GRIA1: variants seen among roughly 807,000 people sequenced by gnomAD.
GRIA1 encodes the protein glutamate ionotropic receptor AMPA type subunit 1.
In GRIA1, 31 loss-of-function variants were observed where a neutral mutation model predicts 99.2. That is an observed-to-expected ratio of 0.31 (90% CI 0.23 to 0.42). GRIA1 has a LOEUF of 0.42. GRIA1 is among the 10% of genes least tolerant of loss of function. The pLI, the probability that GRIA1 is intolerant of heterozygous loss-of-function variation, is 1.00. For synonymous variants in GRIA1, 438 were observed against 432.4 expected (o/e 1.01, Z -0.16); for missense variants, 782 against 1,157.5 (o/e 0.68, Z 4.71).
intron 8 of GRIA1, among the ~76,000 whole-genome samples, chr5:153,696,965 C>T (rs1581488408): frequency 6.6e-6 from 1 of 152,120 alleles, no homozygotes; most frequent in African/African-American, 2.4e-5. Context: ...CTTAGCCTGG[C>T]CTTCAAAGCC....
intron 2 of GRIA1, among the ~76,000 whole-genome samples, chr5:153,628,474 A>G (rs1239673898): frequency 6.6e-6 from 1 of 152,240 alleles, no homozygotes; most frequent in East Asian, 1.9e-4. Context: ...CAATTACATT[A>G]CAACATGTTT....
At chr5:153,507,733 C>A (rs531754609) in intron 2 of GRIA1, among the ~76,000 whole-genome samples, 2 of 152,164 alleles carry the variant, frequency 1.3e-5, no homozygotes, top group Non-Finnish European at 2.9e-5. Flanking sequence ...TTCTGATCAT[C>A]AAGCTTCTTG....
chr5:153,724,871 C>A (rs1387633259), intron 11 of GRIA1, among the ~76,000 whole-genome samples: 1 of 152,086 alleles, frequency 6.6e-6, no homozygotes, highest in Non-Finnish European at 1.5e-5. Context: ...GGCAGGCCAA[C>A]ATTCAGATTC....
chr5:153,565,153 A>G (rs1477294497), intron 2 of GRIA1, among the ~76,000 whole-genome samples: 2 of 152,200 alleles, frequency 1.3e-5, no homozygotes, highest in Non-Finnish European at 2.9e-5. Context: ...ATTTACTCTC[A>G]TACATTCACC....
At chr5:153,618,950 A>C (rs1313362725) in intron 2 of GRIA1, among the ~76,000 whole-genome samples, 1 of 152,222 alleles carries the variant, frequency 6.6e-6, no homozygotes, top group African/African-American at 2.4e-5. Flanking sequence ...AAATTTATTT[A>C]GTACTACTTT....
At chr5:153,630,073 G>T (rs1319838000) in intron 2 of GRIA1, among the ~76,000 whole-genome samples, 1 of 149,808 alleles carries the variant, frequency 6.7e-6, no homozygotes, top group Non-Finnish European at 1.5e-5. Flanking sequence ...TGTGACCCCT[G>T]CCTACCTATG....
At chr5:153,789,318 C>CATATATATATAT (rs70978507) in intron 13 of GRIA1, among the ~76,000 whole-genome samples, 144 of 147,530 alleles carry the variant, frequency 9.8e-4, no homozygotes, top group African/African-American at 3.5e-3. Context: ...TTTGATATTA[C>CATATATATATAT]ATATATATAT....
chr5:153,624,625 G>C (rs1323193672), intron 2 of GRIA1, among the ~76,000 whole-genome samples: 3 of 152,148 alleles, frequency 2.0e-5, no homozygotes, highest in Non-Finnish European at 4.4e-5. Flanking sequence ...AATTATCTCT[G>C]ATTCATTGTA....
chr5:153,605,492 A>G lies in GRIA1; in HGVS notation c.221-41436A>G, dbSNP rs543117497. Among the ~76,000 whole-genome samples the G allele has an allele frequency of 2.3e-3, 346 of 152,336 alleles. 4 individuals carry two copies. The highest frequency in any genetic ancestry group is 8.2e-3 in the African/African-American group (341 of 41,582). On this transcript the variant is annotated intron_variant, in intron 2 of 15. Coordinates refer to ENST00000285900, the MANE Select transcript of GRIA1 (RefSeq NM_000827.4). ...TATATGTGTCTGGGTGCACATGTGCACATATTTTTTGTTGGATATAAACCT... is the reference window on the plus strand; with the variant it reads ...TATATGTGTCTGGGTGCACATGTGCGCATATTTTTTGTTGGATATAAACCT...
chr5:153,735,024 G>T (rs1761287192), intron 11 of GRIA1, among the ~76,000 whole-genome samples: 1 of 152,152 alleles, frequency 6.6e-6, no homozygotes. Context: ...GGGAGCTACT[G>T]GTGTCTAATG....
intron 10 of GRIA1, among the ~76,000 whole-genome samples, chr5:153,702,299 C>T (rs916723580): frequency 6.6e-6 from 1 of 152,196 alleles, no homozygotes; most frequent in Non-Finnish European, 1.5e-5. Context: ...ACTGTCTGTC[C>T]TTTGTCTTGG....
intron 2 of GRIA1, among the ~76,000 whole-genome samples, chr5:153,524,766 T>G (rs747690968): frequency 4.6e-5 from 7 of 152,200 alleles, no homozygotes; most frequent in African/African-American, 7.2e-5. Context: ...TGTACCTTCT[T>G]GGCCAACAAA....
intron 11 of GRIA1, among the ~76,000 whole-genome samples, chr5:153,737,297 A>G (rs1370991462): frequency 6.6e-6 from 1 of 150,664 alleles, no homozygotes; most frequent in African/African-American, 2.4e-5. Flanking sequence ...CGGTAAAAAA[A>G]AAAAAAAAAA....
At chr5:153,634,399 T>A (rs1009803534) in intron 2 of GRIA1, among the ~76,000 whole-genome samples, 4 of 151,496 alleles carry the variant, frequency 2.6e-5, no homozygotes, top group African/African-American at 9.7e-5. Context: ...TAAGCTGAGA[T>A]CTGAAGAATG....
intron 13 of GRIA1, among the ~76,000 whole-genome samples, chr5:153,785,230 C>A (rs1415637497): frequency 1.3e-5 from 2 of 152,132 alleles, no homozygotes; most frequent in African/African-American, 4.8e-5. Flanking sequence ...GGACCATGCT[C>A]ACTTGTGCAC....
chr5:153,494,632 T>C (rs1581125535), intron 2 of GRIA1, among the ~76,000 whole-genome samples: 1 of 152,186 alleles, frequency 6.6e-6, no homozygotes, highest in Non-Finnish European at 1.5e-5. Flanking sequence ...AGGATGGTCA[T>C]TGAGCATCAA....
intron 2 of GRIA1, among the ~76,000 whole-genome samples, chr5:153,620,121 T>C (rs1443186418): frequency 6.6e-6 from 1 of 152,130 alleles, no homozygotes; most frequent in Admixed American, 6.6e-5. Context: ...AAATACAAAA[T>C]GCAAGATTAG....
chr5:153,784,927 GGGTAAA>G (rs1764877824), intron 13 of GRIA1, among the ~76,000 whole-genome samples: 1 of 152,160 alleles, frequency 6.6e-6, no homozygotes, highest in South Asian at 2.1e-4. Flanking sequence ...GGCAGTGGCA[GGGTAAA>G]TGAGCCTTGG....
chr5:153,492,305 A>T (rs1368436727), intron 1 of GRIA1: 4 of 1,534,648 alleles, frequency 2.6e-6, no homozygotes, highest in East Asian at 4.9e-5. Flanking sequence ...CTACATCCTG[A>T]AGTGTGTACG....
Sources: allele counts gnomAD v4.1 joint callset (sites outside exome capture counted in the v4.1 genomes callset), GRCh38; gene constraint gnomAD v4.1.1; transcripts MANE v1.5; gene names NCBI Gene and HGNC (gene_info 2026-07-23, HGNC 2026-07-21).